PTPN9: variants seen among roughly 807,000 people sequenced by gnomAD.
The protein encoded by PTPN9 is protein tyrosine phosphatase non-receptor type 9, also known as tyrosine-protein phosphatase non-receptor type 9.
PTPN9 carries 26 observed loss-of-function variants against 69.8 expected under a neutral mutation model. That is an observed-to-expected ratio of 0.37 (90% CI 0.27 to 0.52). The LOEUF (loss-of-function observed/expected upper bound fraction) is 0.52, where lower values mean the gene tolerates loss of function less well. Ranked by LOEUF, PTPN9 falls within the 20% of genes least tolerant of loss-of-function variation. The pLI is 0.91. For synonymous variants in PTPN9, 274 were observed against 272.5 expected (o/e 1.01, Z -0.05); for missense variants, 549 against 740.3 (o/e 0.74, Z 3.00).
intron 1 of PTPN9, among the ~76,000 whole-genome samples, chr15:75,571,193 G>A (rs2075146654): frequency 6.6e-6 from 1 of 152,096 alleles, no homozygotes; most frequent in Non-Finnish European, 1.5e-5. Flanking sequence ...CCGGGAGGCG[G>A]CGGTTGCAGT....
intron 7 of PTPN9, among the ~76,000 whole-genome samples, chr15:75,497,889 T>TA (rs1166073169): frequency 2.0e-5 from 3 of 151,784 alleles, no homozygotes; most frequent in Admixed American, 1.3e-4. Flanking sequence ...TAGTTGTCTG[T>TA]AAAATCTTAA....
rs2141349402 is a variant in PTPN9, at chr15:75,578,660, C to T, written c.63+54G>A. On this transcript the variant is annotated intron_variant, in intron 1 of 12. Coordinates refer to ENST00000618819, the MANE Select transcript of PTPN9 (RefSeq NM_002833.4). ...CCGGCACTCGGGAGGCAGAGGCCGG[C>T]GTAGGCCTCGGGGGCCCGGACACAC... The T allele has an allele frequency of 3.9e-6, 5 of 1,283,174 alleles. No individual in the cohort carries two copies. In the South Asian group the frequency reaches 6.2e-5, roughly 16 times the overall value. 79.5% of individuals were successfully genotyped at this position (1,283,174 alleles called of 1,614,324 possible).
chr15:75,485,200 C>G (rs968187767), intron 8 of PTPN9, among the ~76,000 whole-genome samples: 1 of 152,074 alleles, frequency 6.6e-6, no homozygotes, highest in Non-Finnish European at 1.5e-5. Flanking sequence ...AGCCCATCCT[C>G]TACTCAACCT....
chr15:75,549,594 G>A (rs911784558), intron 1 of PTPN9, among the ~76,000 whole-genome samples: 3 of 152,000 alleles, frequency 2.0e-5, no homozygotes, highest in Non-Finnish European at 4.4e-5. Context: ...TCACAAACAC[G>A]TACAAAAAAC....
intron 8 of PTPN9, among the ~76,000 whole-genome samples, chr15:75,488,292 A>C (rs970079826): frequency 5.3e-5 from 8 of 152,052 alleles, no homozygotes; most frequent in African/African-American, 1.9e-4. Flanking sequence ...AAAATAAATA[A>C]ATAAATAAAA....
At chr15:75,574,642 C>T in intron 1 of PTPN9, among the ~76,000 whole-genome samples, 1 of 152,016 alleles carries the variant, frequency 6.6e-6, no homozygotes, top group Non-Finnish European at 1.5e-5. Flanking sequence ...TATTCTGCTT[C>T]AGAAATATTT....
intron 3 of PTPN9, 33 bp downstream of exon 3, chr15:75,524,176 A>G: frequency 1.5e-6 from 2 of 1,304,698 alleles, no homozygotes; most frequent in Admixed American, 1.9e-5. Flanking sequence ...AGGAAGTAAT[A>G]AGGCCCTACA....
chr15:75,569,350 A>G (rs2075139115), intron 1 of PTPN9, among the ~76,000 whole-genome samples: 1 of 152,140 alleles, frequency 6.6e-6, no homozygotes, highest in Non-Finnish European at 1.5e-5. Context: ...AAAGGCATAA[A>G]AGTCAGAAAA....
intron 8 of PTPN9, among the ~76,000 whole-genome samples, chr15:75,489,066 T>C (rs2141298796): frequency 6.7e-6 from 1 of 150,176 alleles, no homozygotes; most frequent in South Asian, 2.1e-4. Context: ...TCCCAGCTAC[T>C]CGGGAGGCTG....
chr15:75,479,095 T>A lies in PTPN9; in HGVS notation c.1129+753A>T, dbSNP rs563401516. ...AGGCCGAAGCGGGCAGATCACGAGG[T>A]CAGGAGTTCGAGACCAGCCTGTCCA... On this transcript the variant is annotated intron_variant, in intron 9 of 12. Coordinates refer to ENST00000618819, the MANE Select transcript of PTPN9 (RefSeq NM_002833.4). Among the ~76,000 whole-genome samples the A allele has an allele frequency of 2.0e-5, 3 of 152,188 alleles. No individual in the cohort carries two copies. The East Asian group carries it at 5.8e-4, about 29-fold the overall frequency.
At chr15:75,551,482 C>T (rs2075056346) in intron 1 of PTPN9, among the ~76,000 whole-genome samples, 1 of 152,172 alleles carries the variant, frequency 6.6e-6, no homozygotes, top group Non-Finnish European at 1.5e-5. Flanking sequence ...GCCTCTGCCT[C>T]CCAAATAGCT....
intron 4 of PTPN9, among the ~76,000 whole-genome samples, 186 bp downstream of exon 4, chr15:75,522,935 G>GC (rs1263420316): frequency 1.3e-5 from 2 of 152,106 alleles, no homozygotes; most frequent in African/African-American, 4.8e-5. Context: ...TAAAGAGAAC[G>GC]CCCACCATCT....
chr15:75,540,299 G>A (rs759430799), intron 1 of PTPN9, among the ~76,000 whole-genome samples: 3 of 152,112 alleles, frequency 2.0e-5, no homozygotes, highest in Non-Finnish European at 4.4e-5. Flanking sequence ...GTTGGCTCAC[G>A]CCTGTAATCC....
Position 75,505,656 on chromosome 15 carries a change from C to T in PTPN9, c.968+19G>A. The T allele has an allele frequency of 6.3e-7, 1 of 1,596,824 alleles. No individual in the cohort carries two copies. Among genetic ancestry groups the T allele is most frequent in the Non-Finnish European group, 8.6e-7 (1 of 1,168,984 alleles). ...AGCATCCTGGTAACCAGCTGCTGGC[C>T]CAAACTTTTTCTACTTACATGGAAC... is the stretch of plus-strand genomic sequence containing the variant. On this transcript the variant is annotated intron_variant, in intron 7 of 12. Transcript: ENST00000618819.
intron 2 of PTPN9, among the ~76,000 whole-genome samples, chr15:75,524,538 G>A (rs1305766576): frequency 6.6e-6 from 1 of 152,152 alleles, no homozygotes; most frequent in Non-Finnish European, 1.5e-5. Flanking sequence ...ACCACTTTGA[G>A]AGGCCAAGGC....
At position 75,466,753 on chromosome 15, in the gene PTPN9, T is replaced by G. The variant is rs959111291; in HGVS notation, c.*2016A>C. The G allele has an allele frequency of 1.3e-5, 2 of 152,244 alleles. No individual in the cohort carries two copies. Among genetic ancestry groups the G allele is most frequent in the African/African-American group, 4.8e-5 (2 of 41,456 alleles). The allele number at this position is 152,244 out of a possible 1,614,324, so 9.4% of individuals were successfully genotyped here. A position where few individuals can be genotyped will look rare whatever the true frequency, so the allele number is the denominator to read the frequency against. The stretch of plus-strand genomic sequence containing the variant: ...GCTTTGTAAGCAGACCAACTTGAGC[T>G]CGTTTTAGAGCAAATCACTGTAACC... On this transcript the variant is annotated 3_prime_UTR_variant, in exon 13 of 13. Coordinates refer to ENST00000618819, the MANE Select transcript of PTPN9 (RefSeq NM_002833.4).
At chr15:75,553,094 C>G (rs1243329070) in intron 1 of PTPN9, among the ~76,000 whole-genome samples, 1 of 151,864 alleles carries the variant, frequency 6.6e-6, no homozygotes, top group Non-Finnish European at 1.5e-5. Context: ...TAATACTACA[C>G]AAAATTGCAA....
chr15:75,523,271 T>C (rs199673896), intron 3 of PTPN9, 26 bp from the exon 4 acceptor site: 394 of 1,606,236 alleles, frequency 2.5e-4, no homozygotes, highest in Non-Finnish European at 3.2e-4. Flanking sequence ...CAAGAAACAT[T>C]AAAAAAATCA....
At chr15:75,542,034 T>A (rs993244859) in intron 1 of PTPN9, among the ~76,000 whole-genome samples, 1 of 136,882 alleles carries the variant, frequency 7.3e-6, no homozygotes, top group Non-Finnish European at 1.5e-5. Flanking sequence ...AGATGCCATC[T>A]CAAAAATAAA....
Sources: gnomAD v4.1 joint callset for allele counts (sites outside exome capture counted in the v4.1 genomes callset) on GRCh38, gnomAD v4.1.1 for gene constraint, MANE v1.5 for transcripts, NCBI Gene and HGNC (gene_info 2026-07-23, HGNC 2026-07-21) for gene names.